Variants in ZNF141 observed in about 807,000 individuals in gnomAD.
ZNF141 encodes the protein zinc finger protein 141, also known as zinc finger protein 141 (clone pHZ-44).
ZNF141 carries 7 observed loss-of-function variants against 11.3 expected under a neutral mutation model. That is an observed-to-expected ratio of 0.62 (90% CI 0.35 to 1.16). The LOEUF (loss-of-function observed/expected upper bound fraction) is 1.16, where lower values mean the gene tolerates loss of function less well. Ranked by LOEUF, ZNF141 falls within the 50% of genes most tolerant of loss-of-function variation. The pLI is 0.02. For synonymous variants in ZNF141, 183 were observed against 190.7 expected, an observed-to-expected ratio of 0.96 and a Z score of 0.33; for missense variants, 535 against 554.0, an observed-to-expected ratio of 0.97 and a Z score of 0.34.
At position 350,054 on chromosome 4, in the gene ZNF141, A is replaced by T; in HGVS notation, c.226+5624A>T. 3 of 488,782 alleles carry T rather than the reference A, an allele frequency of 6.1e-6. 1 individual carries two copies. The Admixed American group carries it at 6.3e-5, about 10-fold the overall frequency. The allele number at this position is 488,782 out of a possible 1,614,324, so 30.3% of individuals were successfully genotyped here. On this transcript the variant is annotated intron_variant, in intron 3 of 3. Transcript: ENST00000240499. ...GATATACAGGCCTGCCTCCAGGGCC[A>T]TGGCTGGGTGTGTATCTCCCTGCAG...
intron 3 of ZNF141, among the ~76,000 whole-genome samples, chr4:358,863 C>T (rs1222777244): frequency 1.3e-5 from 2 of 152,206 alleles, no homozygotes; most frequent in South Asian, 2.1e-4. Flanking sequence ...TGTGAGCCTC[C>T]TCGCCTGGAC....
Position 374,010 on chromosome 4 carries a change from C to T in ZNF141, c.*148C>T, listed in dbSNP as rs556030649. ...TACCTCATTCTCAAACCTTGATAAA[C>T]ATAAGAGAATTCATACCGGAGAGAA... On this transcript the variant is annotated 3_prime_UTR_variant, in exon 4 of 4. Transcript: ENST00000240499. 1.0e-4 allele frequency: 74 copies of T among 740,836 alleles called. No homozygotes were observed. The African/African-American group carries it at 1.0e-3, about 10-fold the overall frequency. 45.9% of individuals were successfully genotyped at this position (740,836 alleles called of 1,614,324 possible). A position where few individuals can be genotyped will look rare whatever the true frequency, so the allele number is the denominator to read the frequency against.
At chr4:363,718 A>G (rs1403656707) in intron 3 of ZNF141, among the ~76,000 whole-genome samples, 1 of 151,422 alleles carries the variant, frequency 6.6e-6, no homozygotes, top group Non-Finnish European at 1.5e-5. Context: ...AGATCGTGCC[A>G]CTGTACTCCA....
intron 3 of ZNF141, among the ~76,000 whole-genome samples, chr4:347,380 C>T (rs548668983): frequency 1.4e-5 from 2 of 147,320 alleles, no homozygotes; most frequent in South Asian, 4.3e-4. Context: ...CTCTCTGTCG[C>T]CCAGGCTGGA....
At chr4:359,286 G>C (rs1721999147) in intron 3 of ZNF141, among the ~76,000 whole-genome samples, 1 of 151,658 alleles carries the variant, frequency 6.6e-6, no homozygotes, top group Non-Finnish European at 1.5e-5. Context: ...TGATCAATAA[G>C]ACTGGTGCTG....
intron 3 of ZNF141, among the ~76,000 whole-genome samples, chr4:365,654 C>T (rs1343287533): frequency 2.0e-5 from 3 of 152,130 alleles, no homozygotes; most frequent in East Asian, 1.9e-4. Context: ...GTTGTAATCC[C>T]ATTTGCATAA....
At chr4:348,027 G>C (rs752353289) in intron 3 of ZNF141, among the ~76,000 whole-genome samples, 4 of 151,554 alleles carry the variant, frequency 2.6e-5, no homozygotes, top group African/African-American at 9.7e-5. Flanking sequence ...TGTATTTTTA[G>C]TAGAGACGAG....
At chr4:353,372 C>CAAAA (rs1553850753) in intron 3 of ZNF141, among the ~76,000 whole-genome samples, 2 of 90,464 alleles carry the variant, frequency 2.2e-5, no homozygotes, top group Admixed American at 9.8e-5. Context: ...GAGACCCTGT[C>CAAAA]TAAAAAAAAA....
intron 3 of ZNF141, chr4:350,263 G>A (rs781974689): frequency 1.5e-5 from 8 of 530,060 alleles, no homozygotes; most frequent in Admixed American, 7.9e-5. Context: ...AATAACCCTC[G>A]ATCTCTGGCT....
chr4:350,318 C>A, intron 3 of ZNF141: 1 of 449,100 alleles, frequency 2.2e-6, no homozygotes, highest in South Asian at 1.6e-5. Context: ...CACCTTTCTA[C>A]TTCTGCTTTC....
intron 3 of ZNF141, among the ~76,000 whole-genome samples, chr4:370,423 A>G (rs1399478884): frequency 6.6e-6 from 1 of 151,934 alleles, no homozygotes; most frequent in Non-Finnish European, 1.5e-5. Context: ...GTGCTAATAT[A>G]CTTTTCAGCA....
chr4:372,173 C>T (rs1335065760), intron 3 of ZNF141, among the ~76,000 whole-genome samples: 1 of 152,230 alleles, frequency 6.6e-6, no homozygotes, highest in Non-Finnish European at 1.5e-5. Flanking sequence ...TTTACATTTG[C>T]TTTCAGCAGA....
Position 382,201 on chromosome 4 carries a change from C to G in ZNF141, c.*8339C>G, listed in dbSNP as rs1712657551. Among the ~76,000 whole-genome samples the G allele has an allele frequency of 6.6e-6, 1 of 152,096 alleles. No individual in the cohort carries two copies. ...GACCTCGTGATCCGCCTGCCTCAGC[C>G]TACCAAAGTGCTGGGATTACAGGCA... On this transcript the variant is annotated 3_prime_UTR_variant, in exon 4 of 4. Transcript: ENST00000240499.
In ZNF141 at chr4:372,935, A is replaced by G. The variant is rs1553853818; in HGVS notation, c.498A>G (p.Arg166=). ...KFSNSNKRKT[R]HTGEKHFKEC... is the part of the protein sequence containing the mutation. ...CAAATTCAAACAAACGTAAGACAAG[A>G]CATACTGGAGAGAAACACTTTAAAG... The change falls in exon 4 of 4, where the codon AGA becomes AGG. Residue 166 remains arginine (R), a synonymous_variant. Transcript: ENST00000240499. 1 of 1,614,134 alleles carries G rather than the reference A, an allele frequency of 6.2e-7. No individual in the cohort carries two copies. Among genetic ancestry groups the G allele is most frequent in the Admixed American group, 1.7e-5 (1 of 60,016 alleles).
chr4:342,956 C>A, intron 1 of ZNF141: 1 of 1,509,438 alleles, frequency 6.6e-7, no homozygotes, highest in Non-Finnish European at 9.2e-7. Flanking sequence ...TGATCCAAGG[C>A]TGAGACCTTA....
chr4:374,167 C>T lies in ZNF141; in HGVS notation c.*305C>T, dbSNP rs1443076. 0.14 allele frequency: 53,068 copies of T among 374,056 alleles called. 4,819 individuals carry two copies. The highest frequency in any genetic ancestry group is 0.32 in the African/African-American group (15,577 of 48,758). 23.2% of individuals were successfully genotyped at this position (374,056 alleles called of 1,614,324 possible). ...AACAAAACCTTTAAACAGCCCTCACCGGTGAATAAACATAAGAAAAATCAT... is the reference window on the plus strand; with the variant it reads ...AACAAAACCTTTAAACAGCCCTCACTGGTGAATAAACATAAGAAAAATCAT... On this transcript the variant is annotated 3_prime_UTR_variant, in exon 4 of 4. Transcript: ENST00000240499.
intron 3 of ZNF141, among the ~76,000 whole-genome samples, chr4:363,033 T>C (rs192727629): frequency 6.6e-6 from 1 of 152,216 alleles, no homozygotes; most frequent in Admixed American, 6.5e-5. Context: ...TTCCATTTGT[T>C]TGCGTCCTCT....
At chr4:349,267 CAA>C (rs549319235) in intron 3 of ZNF141, among the ~76,000 whole-genome samples, 3 of 134,620 alleles carry the variant, frequency 2.2e-5, no homozygotes, top group African/African-American at 5.5e-5. Context: ...GGCCCTGTCT[CAA>C]AAAAAAAAAA....
chr4:351,573 G>A (rs1721605555), intron 3 of ZNF141, among the ~76,000 whole-genome samples: 1 of 152,144 alleles, frequency 6.6e-6, no homozygotes, highest in South Asian at 2.1e-4. Context: ...AAATGTAAGT[G>A]CCTTACAATT....
Sources: gnomAD v4.1 joint callset for allele counts (sites outside exome capture counted in the v4.1 genomes callset) on GRCh38, gnomAD v4.1.1 for gene constraint, MANE v1.5 for transcripts, NCBI Gene and HGNC (gene_info 2026-07-23, HGNC 2026-07-21) for gene names.